VTI1A: variants seen among roughly 807,000 people sequenced by gnomAD.
VTI1A encodes vesicle transport through interaction with t-SNAREs homolog 1A.
VTI1A carries 22 observed loss-of-function variants against 34.9 expected under a neutral mutation model. The ratio of observed to expected loss-of-function variants is 0.63; its 90% CI spans 0.45 to 0.90. The LOEUF (loss-of-function observed/expected upper bound fraction) is 0.90, where lower values mean the gene tolerates loss of function less well. Ranked by LOEUF, VTI1A falls within the 40% of genes least tolerant of loss-of-function variation. The probability of loss-of-function intolerance (pLI) is 0.00; values close to 1 mark genes in which losing one functional copy is unlikely to be tolerated. For synonymous variants in VTI1A, 87 were observed against 97.3 expected (o/e 0.89, Z 0.62); for missense variants, 268 against 275.6 (o/e 0.97, Z 0.20).
intron 5 of VTI1A, among the ~76,000 whole-genome samples, chr10:112,565,486 G>T (rs1190872968): frequency 6.6e-6 from 1 of 151,806 alleles, no homozygotes; most frequent in East Asian, 1.9e-4. Context: ...AAATCATTTT[G>T]CAAATAGCAG....
chr10:112,494,875 C>T (rs1473680594), intron 3 of VTI1A, among the ~76,000 whole-genome samples: 1 of 152,280 alleles, frequency 6.6e-6, no homozygotes, highest in African/African-American at 2.4e-5. Context: ...TACCAGCTAG[C>T]TGCTTTTAAA....
chr10:112,572,918 G>A (rs1476685195), intron 5 of VTI1A, among the ~76,000 whole-genome samples: 1 of 151,470 alleles, frequency 6.6e-6, no homozygotes, highest in Admixed American at 6.6e-5. Context: ...TATTTTAGAA[G>A]TTTCTCACTA....
At chr10:112,758,104 A>G (rs1437900824) in intron 7 of VTI1A, among the ~76,000 whole-genome samples, 2 of 152,202 alleles carry the variant, frequency 1.3e-5, no homozygotes, top group African/African-American at 4.8e-5. Context: ...CTGTAAAATA[A>G]GGTAGGATGT....
At chr10:112,693,580 A>G (rs1479820631) in intron 7 of VTI1A, among the ~76,000 whole-genome samples, 2 of 152,204 alleles carry the variant, frequency 1.3e-5, no homozygotes, top group Non-Finnish European at 2.9e-5. Context: ...AAAAATAAAA[A>G]TAGCTTATCT....
intron 5 of VTI1A, among the ~76,000 whole-genome samples, chr10:112,666,056 A>G (rs1050976532): frequency 3.9e-5 from 6 of 152,196 alleles, no homozygotes; most frequent in African/African-American, 1.2e-4. Flanking sequence ...AAGAAATCCA[A>G]TGGAATAGTA....
chr10:112,464,108 C>T (rs1435116383), intron 2 of VTI1A, among the ~76,000 whole-genome samples: 1 of 152,196 alleles, frequency 6.6e-6, no homozygotes, highest in Non-Finnish European at 1.5e-5. Flanking sequence ...AAGCTATTCT[C>T]CTGCCTCAGC....
intron 3 of VTI1A, among the ~76,000 whole-genome samples, chr10:112,518,044 A>T (rs1374299354): frequency 6.6e-6 from 1 of 152,114 alleles, no homozygotes; most frequent in African/African-American, 2.4e-5. Flanking sequence ...AATCTTAAAC[A>T]ATCATAAAAT....
chr10:112,608,032 C>A (rs74158745), intron 5 of VTI1A, among the ~76,000 whole-genome samples: 2 of 152,124 alleles, frequency 1.3e-5, no homozygotes, highest in Non-Finnish European at 2.9e-5. Context: ...ATAGACCAAC[C>A]CTGATACAAC....
At chr10:112,489,973 A>T (rs1848765494) in intron 3 of VTI1A, among the ~76,000 whole-genome samples, 1 of 152,200 alleles carries the variant, frequency 6.6e-6, no homozygotes, top group African/African-American at 2.4e-5. Context: ...CTGAGCCACC[A>T]TTCTAACGTC....
chr10:112,480,479 G>A (rs117527765), intron 3 of VTI1A, among the ~76,000 whole-genome samples: 3,716 of 152,202 alleles, frequency 0.024, 65 homozygotes, highest in Non-Finnish European at 0.04. Context: ...AGATGGGATC[G>A]TACGTGGAAA....
rs71303594 is a variant in VTI1A at position 112,687,219 on chromosome 10, C to CTTT, written c.560+18251_560+18253dup. On this transcript the variant is annotated intron_variant, in intron 7 of 7. Coordinates refer to ENST00000393077, the MANE Select transcript of VTI1A (RefSeq NM_145206.4). ...CAAAACAGGCCTAGGCATACTACAA[C>CTTT]TTTTTTTTTTTTTTTTTTTTTTTTT... Among the ~76,000 whole-genome samples the CTTT allele has an allele frequency of 3.0e-3, 252 of 84,608 alleles. 7 individuals carry two copies. Among genetic ancestry groups the CTTT allele is most frequent in the Middle Eastern group, 7.8e-3 (1 of 128 alleles). The allele number at this position is 84,608 out of a possible 152,430, so 55.5% of individuals were successfully genotyped here.
chr10:112,701,757 G>A (rs1390090017), intron 7 of VTI1A, among the ~76,000 whole-genome samples: 3 of 152,148 alleles, frequency 2.0e-5, no homozygotes, highest in Non-Finnish European at 2.9e-5. Context: ...TTTGATCTCT[G>A]AGTCTTAAAG....
chr10:112,529,981 A>G (rs1850363992), intron 4 of VTI1A, among the ~76,000 whole-genome samples: 1 of 152,156 alleles, frequency 6.6e-6, no homozygotes, highest in Non-Finnish European at 1.5e-5. Context: ...CCAATTAACT[A>G]TAAAGTATGT....
chr10:112,791,847 C>CTTTTTTTATT (rs1852491622), intron 7 of VTI1A, among the ~76,000 whole-genome samples: 1 of 89,126 alleles, frequency 1.1e-5, no homozygotes. Flanking sequence ...TTTTTTTTTG[C>CTTTTTTTATT]TTCAGTAGCC....
rs35437904 is a variant in VTI1A, at chr10:112,520,647, GTATATA to G, written c.265-6419_265-6414del. ...TGTGTGTGTGTGTGTGTGTGTGTGT[GTATATA>G]TATATATATATATATATATAAAACC... On this transcript the variant is annotated intron_variant, in intron 3 of 7. Coordinates refer to ENST00000393077, the MANE Select transcript of VTI1A (RefSeq NM_145206.4). Among the ~76,000 whole-genome samples, 467 of 128,980 alleles carry G rather than the reference GTATATA, an allele frequency of 3.6e-3. 4 individuals carry two copies. The highest frequency in any genetic ancestry group is 0.013 in the South Asian group (48 of 3,556). 84.6% of individuals were successfully genotyped at this position (128,980 alleles called of 152,430 possible).
rs67154330 is a variant in VTI1A, at chr10:112,811,712, A to AAAAAAAAAAAAAAAAAGAT, written c.561-3578_561-3577insAAAAAAAAAAAAAAAAGAT. On this transcript the variant is annotated intron_variant, in intron 7 of 7. Transcript: ENST00000393077. ...AAAAAAAAAAAAAAAAAAAAAAAAAAGAGTGCAGTCCATGCCTGGAAGTAG... is the reference window on the plus strand; with the variant it reads ...AAAAAAAAAAAAAAAAAAAAAAAAAAAAAAAAAAAAAAAAAAGATGAGTGCAGTCCATGCCTGGAAGTAG... Among the ~76,000 whole-genome samples the AAAAAAAAAAAAAAAAAGAT allele has an allele frequency of 4.2e-4, 35 of 84,046 alleles. 11 individuals carry two copies. The highest frequency in any genetic ancestry group is 1.7e-3 in the African/African-American group (35 of 21,078). 55.1% of individuals were successfully genotyped at this position (84,046 alleles called of 152,430 possible). A position where few individuals can be genotyped will look rare whatever the true frequency, so the allele number is the denominator to read the frequency against.
chr10:112,738,343 C>T (rs1850571690), intron 7 of VTI1A, among the ~76,000 whole-genome samples: 2 of 152,212 alleles, frequency 1.3e-5, no homozygotes, highest in African/African-American at 4.8e-5. Flanking sequence ...ATTCTTTCCT[C>T]TGTGCTTCCT....
intron 7 of VTI1A, among the ~76,000 whole-genome samples, chr10:112,717,526 CTT>C (rs955504746): frequency 6.6e-6 from 1 of 152,104 alleles, no homozygotes; most frequent in Non-Finnish European, 1.5e-5. Context: ...GGCTGGGCAC[CTT>C]TCTCTTTCTG....
At chr10:112,801,084 A>G (rs78145580) in intron 7 of VTI1A, among the ~76,000 whole-genome samples, 2,067 of 152,300 alleles carry the variant, frequency 0.014, 53 homozygotes, top group African/African-American at 0.047. Context: ...AGTTCAGAAG[A>G]GCAGTAAGTT....
Sources: gnomAD v4.1 joint callset for allele counts (sites outside exome capture counted in the v4.1 genomes callset) on GRCh38, gnomAD v4.1.1 for gene constraint, MANE v1.5 for transcripts, NCBI Gene and HGNC (gene_info 2026-07-23, HGNC 2026-07-21) for gene names.